Variants in GABRG3 observed in about 807,000 individuals in gnomAD.
The protein encoded by GABRG3 is gamma-aminobutyric acid type A receptor subunit gamma3.
A neutral mutation model predicts 48.8 loss-of-function variants in GABRG3; 25 were observed. That is an observed-to-expected ratio of 0.51 (90% confidence interval 0.37 to 0.72). The LOEUF (loss-of-function observed/expected upper bound fraction) is 0.72, where lower values mean the gene tolerates loss of function less well. Among genes scored for constraint, GABRG3 ranks in the 30% least tolerant of loss-of-function variants. GABRG3 has a pLI of 0.00. For missense variants in GABRG3, 394 were observed against 577.9 expected (o/e 0.68, Z 3.26); for synonymous variants, 227 against 217.6 (o/e 1.04, Z -0.38).
intron 3 of GABRG3, among the ~76,000 whole-genome samples, chr15:27,315,714 A>G (rs1257410285): frequency 6.6e-6 from 1 of 152,238 alleles, no homozygotes; most frequent in Non-Finnish European, 1.5e-5. Flanking sequence ...AATTTTGGTA[A>G]CACCATTTTT....
At chr15:27,149,428 C>A (rs922998155) in intron 3 of GABRG3, among the ~76,000 whole-genome samples, 1 of 144,782 alleles carries the variant, frequency 6.9e-6, no homozygotes, top group Non-Finnish European at 1.5e-5. Context: ...GATCTAGATT[C>A]AGTAGAATCC....
At chr15:27,038,325 T>C (rs1366292863) in intron 3 of GABRG3, among the ~76,000 whole-genome samples, 2 of 152,166 alleles carry the variant, frequency 1.3e-5, no homozygotes, top group Non-Finnish European at 2.9e-5. Context: ...GACATAAATG[T>C]GAAGGACGAC....
intron 3 of GABRG3, among the ~76,000 whole-genome samples, chr15:27,030,089 G>A (rs7167986): frequency 0.64 from 97,514 of 152,022 alleles, 31,377 homozygotes; most frequent in East Asian, 0.68. Context: ...AATAAAAAAG[G>A]ATATAAGAAA....
chr15:27,026,145 A>C (rs1043986579), intron 2 of GABRG3, among the ~76,000 whole-genome samples: 53 of 152,230 alleles, frequency 3.5e-4, no homozygotes, highest in African/African-American at 1.3e-3. Flanking sequence ...ACTTATTAAC[A>C]TTCCATTGTG....
intron 6 of GABRG3, among the ~76,000 whole-genome samples, chr15:27,509,030 G>A (rs561176158): frequency 6.6e-6 from 1 of 152,168 alleles, no homozygotes; most frequent in Non-Finnish European, 1.5e-5. Flanking sequence ...AATTCCCTCA[G>A]TTTTTGTTTT....
intron 3 of GABRG3, among the ~76,000 whole-genome samples, chr15:27,193,403 C>G (rs953358688): frequency 1.3e-5 from 2 of 152,012 alleles, no homozygotes; most frequent in African/African-American, 4.8e-5. Context: ...CTTTGTTTAC[C>G]TAAGCAAGCC....
intron 3 of GABRG3, among the ~76,000 whole-genome samples, chr15:27,140,335 G>A (rs1174435268): frequency 6.6e-6 from 1 of 152,142 alleles, no homozygotes; most frequent in African/African-American, 2.4e-5. Context: ...CCCAGCTGGT[G>A]TCCATTGTGG....
At chr15:27,480,564 T>TA in intron 5 of GABRG3, 86 bp from the exon 6 acceptor site, 2 of 1,264,376 alleles carry the variant, frequency 1.6e-6, no homozygotes, top group Admixed American at 2.4e-5. Context: ...CTAACTCCTG[T>TA]AATTCATTGA....
At chr15:26,971,670 G>C in intron 1 of GABRG3, 82 bp downstream of exon 1, 3 of 1,424,870 alleles carry the variant, frequency 2.1e-6, no homozygotes, top group Non-Finnish European at 1.8e-6. Context: ...TGGAGTCCCT[G>C]GCGCGCCAGC....
chr15:27,415,127 T>C (rs1887903360), intron 5 of GABRG3, among the ~76,000 whole-genome samples: 1 of 152,192 alleles, frequency 6.6e-6, no homozygotes, highest in African/African-American at 2.4e-5. Context: ...GTATTAAAGA[T>C]GTTGTCTTTT....
intron 3 of GABRG3, among the ~76,000 whole-genome samples, chr15:27,214,314 T>C (rs1010908098): frequency 2.0e-5 from 3 of 152,180 alleles, no homozygotes; most frequent in South Asian, 2.1e-4. Context: ...GAGATGGCCA[T>C]GAGATGCCGA....
Position 27,253,097 on chromosome 15 carries a change from G to A in GABRG3, c.271-73712G>A, listed in dbSNP as rs71465221. Among the ~76,000 whole-genome samples, 637 of 152,296 alleles carry A rather than the reference G, an allele frequency of 4.2e-3. 1 individual carries two copies. The highest frequency in any genetic ancestry group is 0.014 in the Middle Eastern group (4 of 294). The stretch of plus-strand genomic sequence containing the variant: ...TATGGCAGGCTCACAGAACGAACAC[G>A]GAACAGTTCTGGGTGTCACTCATGT... On this transcript the variant is annotated intron_variant, in intron 3 of 9. Transcript: ENST00000615808.
At chr15:27,404,795 G>A (rs963473726) in intron 5 of GABRG3, among the ~76,000 whole-genome samples, 1 of 152,206 alleles carries the variant, frequency 6.6e-6, no homozygotes, top group Admixed American at 6.5e-5. Context: ...CTGTGCATAA[G>A]TGTCCTCTTC....
intron 3 of GABRG3, among the ~76,000 whole-genome samples, chr15:27,177,545 C>T (rs1166086137): frequency 2.0e-5 from 3 of 152,184 alleles, no homozygotes; most frequent in African/African-American, 4.8e-5. Context: ...ATCATTCTTG[C>T]TTCAAAGTTA....
intron 3 of GABRG3, among the ~76,000 whole-genome samples, chr15:27,247,609 G>T (rs1373982877): frequency 7.2e-5 from 11 of 152,178 alleles, no homozygotes; most frequent in Admixed American, 5.9e-4. Context: ...CTGTAACATG[G>T]TGTATTAGTC....
intron 3 of GABRG3, chr15:27,294,973 A>G (rs986417081): frequency 1.3e-5 from 2 of 152,202 alleles, no homozygotes; most frequent in Non-Finnish European, 2.9e-5. Flanking sequence ...ATAGCTGGCC[A>G]AAGAGGAAGG....
chr15:27,368,219 G>A (rs903715233), intron 5 of GABRG3, among the ~76,000 whole-genome samples: 13 of 152,162 alleles, frequency 8.5e-5, no homozygotes, highest in African/African-American at 2.7e-4. Context: ...AATGGAGACC[G>A]GGATGCATAG....
chr15:27,106,380 G>A (rs1897449758), intron 3 of GABRG3, among the ~76,000 whole-genome samples: 1 of 151,660 alleles, frequency 6.6e-6, no homozygotes, highest in South Asian at 2.1e-4. Context: ...ACATCACATT[G>A]TATACATTAA....
chr15:27,200,044 T>TCTCTCCCTCCCTTC (rs1888630312), intron 3 of GABRG3, among the ~76,000 whole-genome samples: 2 of 151,590 alleles, frequency 1.3e-5, no homozygotes, highest in Non-Finnish European at 2.9e-5. Context: ...TCCCTCCCTT[T>TCTCTCCCTCCCTTC]CTCTCTTCCT....
Sources: gnomAD v4.1 joint callset for allele counts (sites outside exome capture counted in the v4.1 genomes callset) on GRCh38, gnomAD v4.1.1 for gene constraint, MANE v1.5 for transcripts, NCBI Gene and HGNC (gene_info 2026-07-23, HGNC 2026-07-21) for gene names.